ANK3: variants seen among roughly 807,000 people sequenced by gnomAD.
The protein encoded by ANK3 is ankyrin-3.
ANK3 carries 57 observed loss-of-function variants against 370.9 expected under a neutral mutation model. The observed-to-expected ratio is 0.15, with a 90% CI of 0.12 to 0.19. ANK3 has a LOEUF of 0.19. ANK3 is among the 10% of genes least tolerant of loss of function. The pLI, the probability that ANK3 is intolerant of heterozygous loss-of-function variation, is 1.00. For synonymous variants in ANK3, 1,929 were observed against 1,946.3 expected, an observed-to-expected ratio of 0.99 and a Z score of 0.23; for missense variants, 4,439 against 5,302.1, an observed-to-expected ratio of 0.84 and a Z score of 5.06.
At chr10:60,571,352 T>A (rs1305569664) in intron 2 of ANK3, among the ~76,000 whole-genome samples, 1 of 152,180 alleles carries the variant, frequency 6.6e-6, no homozygotes, top group Non-Finnish European at 1.5e-5. Flanking sequence ...AATTAACCTT[T>A]TAATTAATAA....
rs41274672 is a variant in ANK3 at position 60,071,893 on chromosome 10, C to G, written c.8988G>C (p.Gln2996His). The change falls in exon 37 of 44, where the codon CAG becomes CAC. Residue 2996 changes from glutamine (Q) to histidine (H), a missense_variant. Gln to His is a conservative substitution (Grantham distance 24). Around this residue, in one of 13 missense-constraint regions of ANK3, gnomAD observed 1,601 missense variants for 1,731.7 expected, o/e 0.92. Transcript: ENST00000280772. ...PKHELSQKLSQSSMSKETVET... is the reference protein window; with the variant it reads ...PKHELSQKLSHSSMSKETVET... ...CAACTGTCTCTTTACTCATGCTTGA[C>G]TGGGACAATTTTTGTGATAGTTCAT... 0.016 allele frequency: 25,460 copies of G among 1,614,054 alleles called. 365 individuals are homozygous for G. The highest frequency in any genetic ancestry group is 0.058 in the Admixed American group (3,498 of 59,994).
intron 28 of ANK3, among the ~76,000 whole-genome samples, chr10:60,091,681 C>T (rs892869395): frequency 2.0e-5 from 3 of 151,760 alleles, no homozygotes; most frequent in African/African-American, 7.3e-5. Context: ...GCAAGATGCA[C>T]AGCAATGTGC....
At chr10:60,667,467 CTGTT>C (rs1350961845) in intron 1 of ANK3, among the ~76,000 whole-genome samples, 1 of 152,090 alleles carries the variant, frequency 6.6e-6, no homozygotes, top group Non-Finnish European at 1.5e-5. Context: ...ATTCTTACCA[CTGTT>C]TGAGTATCAA....
At chr10:60,453,168 C>A (rs1252164135) in intron 2 of ANK3, among the ~76,000 whole-genome samples, 2 of 152,302 alleles carry the variant, frequency 1.3e-5, no homozygotes, top group African/African-American at 2.4e-5. Context: ...AAAGCCTGGG[C>A]AAGTTGCTTA....
intron 1 of ANK3, among the ~76,000 whole-genome samples, chr10:60,333,240 G>A (rs2051831132): frequency 1.3e-5 from 2 of 152,032 alleles, no homozygotes; most frequent in Admixed American, 1.3e-4. Context: ...ATGGTGGTTT[G>A]CTGCACCCAT....
At chr10:60,218,932 A>G (rs1024636987) in intron 8 of ANK3, among the ~76,000 whole-genome samples, 3 of 151,586 alleles carry the variant, frequency 2.0e-5, no homozygotes, top group Non-Finnish European at 4.4e-5. Context: ...TAGTAGGTCC[A>G]GTCTTTTTAT....
chr10:60,314,679 G>A (rs1301822996), intron 1 of ANK3, among the ~76,000 whole-genome samples: 1 of 152,300 alleles, frequency 6.6e-6, no homozygotes, highest in Middle Eastern at 3.4e-3. Flanking sequence ...TATGCAGAAA[G>A]TGTAGACCCT....
chr10:60,074,046 C>T lies in ANK3; in HGVS notation c.6835G>A (p.Ala2279Thr). ...GAAGGATCCCGCCCGGACTGAAAGGCCTTCATGATGTCATGGACTGACATG... is the reference window on the plus strand; with the variant it reads ...GAAGGATCCCGCCCGGACTGAAAGGTCTTCATGATGTCATGGACTGACATG... ...ETMSVHDIMK[A>T]FQSGRDPSKE... Residue 2279 changes from alanine (A) to threonine (T), a missense_variant, in exon 37 of 44, where the codon GCC becomes ACC. Physicochemically the swap from Ala to Thr is moderately conservative, Grantham distance 58. Transcript: ENST00000280772. 1.9e-6 allele frequency: 3 copies of T among 1,614,048 alleles called. No individual in the cohort carries two copies. The highest frequency in any genetic ancestry group is 2.5e-6 in the Non-Finnish European group (3 of 1,180,000).
chr10:60,186,303 CT>C (rs2096326980), intron 17 of ANK3, among the ~76,000 whole-genome samples: 1 of 150,868 alleles, frequency 6.6e-6, no homozygotes, highest in African/African-American at 2.4e-5. Context: ...TACTCATTGT[CT>C]GACTGAATTA....
intron 2 of ANK3, among the ~76,000 whole-genome samples, chr10:60,512,486 T>C (rs182481273): frequency 1.3e-5 from 2 of 152,250 alleles, no homozygotes; most frequent in Admixed American, 1.3e-4. Context: ...TTTTTCATAC[T>C]GAGGAAATAG....
At chr10:60,446,067 C>A (rs1190218994) in intron 2 of ANK3, among the ~76,000 whole-genome samples, 1 of 152,146 alleles carries the variant, frequency 6.6e-6, no homozygotes, top group Admixed American at 6.6e-5. Flanking sequence ...GCTTTAAATA[C>A]CCAGCTTGAA....
At chr10:60,392,940 C>G (rs944967240), upstream of ANK3, among the ~76,000 whole-genome samples, 6 of 151,768 alleles carry the variant, frequency 4.0e-5, no homozygotes, top group Non-Finnish European at 8.8e-5. Flanking sequence ...TGGCTCCCCA[C>G]TCCCTCCCCC....
rs2072425249 is a variant in ANK3 at position 60,026,785 on chromosome 10, G to A, written c.*3061C>T. The A allele has an allele frequency of 6.6e-6, 1 of 152,030 alleles. No homozygotes were observed. The highest frequency in any genetic ancestry group is 1.5e-5 in the Non-Finnish European group (1 of 68,008). 9.4% of individuals were successfully genotyped at this position (152,030 alleles called of 1,614,324 possible). A position where few individuals can be genotyped will look rare whatever the true frequency, so the allele number is the denominator to read the frequency against. ...GCCATAATTTGGCAATACAGTGATAGCACATTTTAATTTAACAAATTCAAT... is the reference window on the plus strand; with the variant it reads ...GCCATAATTTGGCAATACAGTGATAACACATTTTAATTTAACAAATTCAAT... On this transcript the variant is annotated 3_prime_UTR_variant, in exon 44 of 44. Transcript: ENST00000280772.
intron 1 of ANK3, among the ~76,000 whole-genome samples, chr10:60,696,823 TTCCCTTTG>T (rs1331224099): frequency 7.0e-5 from 10 of 142,562 alleles, no homozygotes; most frequent in Non-Finnish European, 1.5e-5. Context: ...ACTGGAAGCA[TTCCCTTTG>T]AAAACTGGCA....
intron 1 of ANK3, among the ~76,000 whole-genome samples, chr10:60,686,264 A>G (rs188470882): frequency 6.1e-4 from 93 of 152,300 alleles, no homozygotes; most frequent in African/African-American, 2.1e-3. Flanking sequence ...AGAAATTGAA[A>G]TAACACTAAA....
At position 60,186,757 on chromosome 10, in the gene ANK3, C is replaced by T. The variant is rs751504937; in HGVS notation, c.2043G>A (p.Ser681=). 3.7e-6 allele frequency: 6 copies of T among 1,614,088 alleles called. No individual in the cohort carries two copies. Among genetic ancestry groups the T allele is most frequent in the Admixed American group, 1.7e-5 (1 of 60,006 alleles). The change falls in exon 17 of 44, where the codon TCG becomes TCA. Residue 681 remains serine, a synonymous_variant. Coordinates refer to ENST00000280772, the MANE Select transcript of ANK3 (RefSeq NM_020987.5). ...AAQEGHVDMV[S]LLLGRNANVN... ...CATTCGCATTTCTACCGAGGAGCAG[C>T]GACACCATGTCCACGTGCCCTTCCT...
intron 1 of ANK3, among the ~76,000 whole-genome samples, chr10:60,314,019 C>T (rs1371569367): frequency 6.6e-6 from 1 of 151,030 alleles, no homozygotes; most frequent in African/African-American, 2.4e-5. Flanking sequence ...CTAGAGTGTG[C>T]ACTCTTCTAA....
intron 21 of ANK3, 89 bp downstream of exon 21, chr10:60,172,219 A>G (rs2095811337): frequency 9.9e-7 from 1 of 1,008,622 alleles, no homozygotes; most frequent in Non-Finnish European, 1.5e-6. Context: ...TAGTTTATGA[A>G]TGGGAAAAAA....
intron 6 of ANK3, among the ~76,000 whole-genome samples, 184 bp from the exon 7 acceptor site, chr10:60,262,141 C>G (rs2097816376): frequency 1.3e-5 from 2 of 152,158 alleles, no homozygotes; most frequent in South Asian, 4.1e-4. Context: ...CCCAAACTTA[C>G]AGGCAGAAGA....
Sources: allele counts gnomAD v4.1 joint callset (sites outside exome capture counted in the v4.1 genomes callset), GRCh38; gene constraint gnomAD v4.1.1; regional missense constraint gnomAD v4.1.1; transcripts MANE v1.5; gene names NCBI Gene and HGNC (gene_info 2026-07-23, HGNC 2026-07-21).